The following CDC42BPA variants were observed in gnomAD, a reference collection of about 807,000 sequenced individuals.
CDC42BPA encodes the protein CDC42 binding protein kinase alpha, also known as serine/threonine-protein kinase MRCK alpha.
Under a neutral mutation model 223.5 loss-of-function variants are expected in CDC42BPA, and 80 were observed. The ratio of observed to expected loss-of-function variants is 0.36; its 90% confidence interval spans 0.30 to 0.43. CDC42BPA has a LOEUF of 0.43. CDC42BPA is among the 20% of genes least tolerant of loss of function. The pLI, the probability that CDC42BPA is intolerant of heterozygous loss-of-function variation, is 1.00. For synonymous variants in CDC42BPA, 694 were observed against 718.6 expected (o/e 0.97, Z 0.55); for missense variants, 1,743 against 2,099.9 (o/e 0.83, Z 3.32).
chr1:227,253,401 G>A (rs1198415324), intron 2 of CDC42BPA, among the ~76,000 whole-genome samples: 3 of 152,118 alleles, frequency 2.0e-5, no homozygotes, highest in Admixed American at 6.5e-5. Context: ...TTTGAGACCC[G>A]CCTGACCAAC....
intron 1 of CDC42BPA, among the ~76,000 whole-genome samples, chr1:227,256,340 G>A (rs1683018764): frequency 6.6e-6 from 1 of 151,996 alleles, no homozygotes; most frequent in Non-Finnish European, 1.5e-5. Flanking sequence ...CCAAGAGGAG[G>A]GAAAGCATTA....
chr1:227,285,624 T>C lies in CDC42BPA; in HGVS notation c.178+31381A>G, dbSNP rs531500900. 4.6e-5 allele frequency among the ~76,000 whole-genome samples: 7 copies of C among 152,302 alleles called. No individual in the cohort carries two copies. The South Asian group carries it at 8.3e-4, about 18-fold the overall frequency. The stretch of plus-strand genomic sequence containing the variant: ...ATCTTGACAGGTTATTCCATACAAA[T>C]TGTATCCTCTGTGAGTCCTAGATGG... On this transcript the variant is annotated intron_variant, in intron 1 of 36. Transcript: ENST00000366766.
intron 10 of CDC42BPA, among the ~76,000 whole-genome samples, chr1:227,135,855 CAAAAAAAA>C (rs1175091904): frequency 1.5e-4 from 1 of 6,576 alleles, no homozygotes; most frequent in African/African-American, 5.5e-4. Context: ...CTCTGTCTCC[CAAAAAAAA>C]AAAAAAAAAA....
intron 6 of CDC42BPA, among the ~76,000 whole-genome samples, chr1:227,150,923 G>A (rs1229632086): frequency 2.0e-5 from 3 of 149,670 alleles, no homozygotes; most frequent in South Asian, 2.1e-4. Context: ...ACATATTACT[G>A]AGGGTGTAAA....
intron 21 of CDC42BPA, among the ~76,000 whole-genome samples, chr1:227,054,158 T>C (rs1674093010): frequency 6.6e-6 from 1 of 152,172 alleles, no homozygotes. Flanking sequence ...GCCCCACAGC[T>C]TGACAGAAAG....
chr1:227,225,790 C>CT (rs11374920), intron 2 of CDC42BPA, among the ~76,000 whole-genome samples: 47,501 of 151,996 alleles, frequency 0.31, 7,613 homozygotes, highest in East Asian at 0.37. Context: ...GGGAATACCT[C>CT]TGATTTCCTT....
At chr1:227,009,330 C>CT (rs1174591304) in intron 34 of CDC42BPA, among the ~76,000 whole-genome samples, 2 of 152,184 alleles carry the variant, frequency 1.3e-5, no homozygotes, top group African/African-American at 4.8e-5. Context: ...TAGGGTGAGA[C>CT]TTTCATTTGA....
chr1:227,133,429 C>A (rs1048225240), intron 10 of CDC42BPA, among the ~76,000 whole-genome samples: 3 of 151,850 alleles, frequency 2.0e-5, no homozygotes, highest in African/African-American at 7.3e-5. Context: ...AGTGAGGAGC[C>A]CCTCTGCCCG....
chr1:227,023,153 C>A, intron 32 of CDC42BPA, 110 bp downstream of exon 32: 1 of 600,686 alleles, frequency 1.7e-6, no homozygotes, highest in Non-Finnish European at 2.9e-6. Context: ...TAAGATACAC[C>A]TGTGTTGAAA....
chr1:227,202,191 C>T (rs1671897529), intron 3 of CDC42BPA, among the ~76,000 whole-genome samples: 1 of 152,104 alleles, frequency 6.6e-6, no homozygotes, highest in Non-Finnish European at 1.5e-5. Context: ...ACTGCGTTAG[C>T]CAGGATGGTC....
intron 15 of CDC42BPA, 99 bp downstream of exon 15, chr1:227,100,893 T>G: frequency 1.3e-6 from 1 of 786,722 alleles, no homozygotes; most frequent in Non-Finnish European, 2.0e-6. Flanking sequence ...TGGTCTCCTT[T>G]AGGTCTAGGA....
At position 227,030,421 on chromosome 1, in the gene CDC42BPA, A is replaced by C; in HGVS notation, c.3825T>G (p.His1275Gln). 3 of 1,597,692 alleles carry C rather than the reference A, an allele frequency of 1.9e-6. No individual in the cohort carries two copies. The highest frequency in any genetic ancestry group is 2.6e-6 in the Non-Finnish European group (3 of 1,172,146). The change falls in exon 29 of 37, where the codon CAT becomes CAG. Residue 1275 changes from histidine to glutamine, a missense_variant. His to Gln is a conservative substitution (Grantham distance 24, BLOSUM62 0). This residue lies in a region of CDC42BPA where 678 missense variants were observed against 777.5 expected (regional missense o/e 0.87). Coordinates refer to ENST00000366766, the MANE Select transcript of CDC42BPA (RefSeq NM_001394014.1). ...LGNEEGLFVV[H>Q]VTKDEIIRVG... ...GTTTTCTCTTACCATCTTTGGTGAC[A>C]TGTACAACAAATAACCCTTCTTCGT... is the stretch of plus-strand genomic sequence containing the variant.
intron 35 of CDC42BPA, 137 bp from the exon 36 acceptor site, chr1:226,995,117 T>C (rs1211113440): frequency 1.4e-6 from 1 of 713,254 alleles, no homozygotes; most frequent in African/African-American, 1.8e-5. Context: ...TAAGTCCAAC[T>C]GTAGTACCTT....
intron 31 of CDC42BPA, among the ~76,000 whole-genome samples, chr1:227,024,881 G>A (rs1232990195): frequency 6.6e-6 from 1 of 152,194 alleles, no homozygotes; most frequent in Non-Finnish European, 1.5e-5. Context: ...TGAGTGATCA[G>A]TTTATTATTA....
At chr1:227,235,368 T>A (rs889890495) in intron 2 of CDC42BPA, 2 of 152,234 alleles carry the variant, frequency 1.3e-5, no homozygotes, top group Non-Finnish European at 2.9e-5. Flanking sequence ...TAGTATGTAG[T>A]CTGTCCAGCC....
chr1:227,121,111 T>C (rs1688594171), intron 11 of CDC42BPA, among the ~76,000 whole-genome samples: 1 of 152,170 alleles, frequency 6.6e-6, no homozygotes, highest in African/African-American at 2.4e-5. Context: ...TACCAGTTTG[T>C]CGCCCGAGAA....
intron 34 of CDC42BPA, among the ~76,000 whole-genome samples, chr1:227,012,119 A>C (rs1028680388): frequency 6.6e-6 from 1 of 152,222 alleles, no homozygotes; most frequent in Non-Finnish European, 1.5e-5. Flanking sequence ...TGACTTTAAG[A>C]AGCAAAATTA....
intron 1 of CDC42BPA, among the ~76,000 whole-genome samples, chr1:227,264,409 G>T (rs746527923): frequency 3.5e-5 from 5 of 143,452 alleles, no homozygotes; most frequent in Non-Finnish European, 7.4e-5. Context: ...TTACTGAAAA[G>T]AAAAAGATTC....
intron 19 of CDC42BPA, 124 bp downstream of exon 19, chr1:227,073,740 T>C (rs1678900979): frequency 2.8e-6 from 2 of 704,202 alleles, no homozygotes; most frequent in Non-Finnish European, 4.6e-6. Context: ...TTTCAAATCT[T>C]TGTAACATAT....
Sources: gnomAD v4.1 joint callset for allele counts (sites outside exome capture counted in the v4.1 genomes callset) on GRCh38, gnomAD v4.1.1 for gene constraint, gnomAD v4.1.1 regional missense constraint, MANE v1.5 for transcripts, NCBI Gene and HGNC (gene_info 2026-07-23, HGNC 2026-07-21) for gene names.